The following URI1 variants were observed in gnomAD, a reference collection of about 807,000 sequenced individuals.
URI1 encodes the protein URI1 prefoldin like chaperone, also known as unconventional prefoldin RPB5 interactor 1.
In URI1, 39 loss-of-function variants were observed where a neutral mutation model predicts 60.2. The ratio of observed to expected loss-of-function variants is 0.65; its 90% CI spans 0.50 to 0.85. URI1 has a LOEUF of 0.85. Ranked by LOEUF, URI1 falls within the 40% of genes least tolerant of loss-of-function variation. The probability of loss-of-function intolerance (pLI) is 0.00; values close to 1 mark genes in which losing one functional copy is unlikely to be tolerated. For synonymous variants in URI1, 251 were observed against 236.8 expected, an observed-to-expected ratio of 1.06 and a Z score of -0.55; for missense variants, 691 against 665.9, an observed-to-expected ratio of 1.04 and a Z score of -0.42.
intron 2 of URI1, among the ~76,000 whole-genome samples, chr19:29,983,656 C>T (rs931469563): frequency 6.6e-6 from 1 of 152,122 alleles, no homozygotes; most frequent in African/African-American, 2.4e-5. Flanking sequence ...TGTAGTTTTG[C>T]TTGCAGCCTG....
At chr19:29,962,402 CTTTTTT>C (rs11331580) in intron 1 of URI1, among the ~76,000 whole-genome samples, 1 of 123,480 alleles carries the variant, frequency 8.1e-6, no homozygotes, top group Admixed American at 8.2e-5. Context: ...TTTATAGTAT[CTTTTTT>C]TTTTTTTTTT....
intron 1 of URI1, among the ~76,000 whole-genome samples, chr19:29,946,908 C>G (rs1206353822): frequency 6.6e-6 from 1 of 152,080 alleles, no homozygotes; most frequent in Non-Finnish European, 1.5e-5. Flanking sequence ...GGGGTGAAGG[C>G]ATGCAGTTAC....
chr19:29,932,480 C>A (rs2054929828), intron 1 of URI1, among the ~76,000 whole-genome samples: 1 of 151,472 alleles, frequency 6.6e-6, no homozygotes, highest in African/African-American at 2.4e-5. Context: ...CCGCACCCGG[C>A]TAATTTTTGT....
In URI1 at chr19:30,015,895, A is replaced by T. The variant is rs1285596957; in HGVS notation, c.*826A>T. ...AGGTCTAGATGCTTAAACATTTTAA[A>T]TAAAAATTCCTTACAGTTTCATCTT... On this transcript the variant is annotated 3_prime_UTR_variant, in exon 11 of 11. Coordinates refer to ENST00000392271, the MANE Select transcript of URI1 (RefSeq NM_003796.3). The T allele has an allele frequency of 1.7e-5, 4 of 241,854 alleles. No individual in the cohort carries two copies. The highest frequency in any genetic ancestry group is 3.1e-5 in the Non-Finnish European group (4 of 127,748). The allele number at this position is 241,854 out of a possible 1,614,324, so 15.0% of individuals were successfully genotyped here. A position where few individuals can be genotyped will look rare whatever the true frequency, so the allele number is the denominator to read the frequency against.
chr19:29,975,177 A>G (rs1016443280), intron 2 of URI1, among the ~76,000 whole-genome samples: 6 of 152,130 alleles, frequency 3.9e-5, no homozygotes, highest in Non-Finnish European at 5.9e-5. Context: ...CAGTGGCTGG[A>G]CATTCCCACT....
intron 1 of URI1, among the ~76,000 whole-genome samples, chr19:29,932,734 C>A (rs934222579): frequency 1.3e-5 from 2 of 151,668 alleles, no homozygotes; most frequent in African/African-American, 4.9e-5. Flanking sequence ...TCACTGCAAC[C>A]TCTGCCTCCC....
intron 1 of URI1, among the ~76,000 whole-genome samples, chr19:29,944,983 C>T (rs1442335153): frequency 6.6e-6 from 1 of 152,128 alleles, no homozygotes; most frequent in Non-Finnish European, 1.5e-5. Context: ...AAAGTAGAAG[C>T]GTAGTGACAT....
At chr19:29,942,745 CCTAGGCCCAG>C in intron 1 of URI1, 81 bp downstream of exon 1, 1 of 1,279,034 alleles carries the variant, frequency 7.8e-7, no homozygotes, top group Non-Finnish European at 9.9e-7. Flanking sequence ...CCCCGCGTGG[CCTAGGCCCAG>C]CTGCCCGGGC....
At chr19:29,996,046 T>C (rs2055808254) in intron 4 of URI1, among the ~76,000 whole-genome samples, 1 of 152,172 alleles carries the variant, frequency 6.6e-6, no homozygotes, top group African/African-American at 2.4e-5. Context: ...AAGATGAGAC[T>C]TACAACTTAG....
At chr19:29,932,281 C>A (rs1031315455) in intron 1 of URI1, among the ~76,000 whole-genome samples, 1 of 151,970 alleles carries the variant, frequency 6.6e-6, no homozygotes, top group Non-Finnish European at 1.5e-5. Context: ...AATGCTTTTT[C>A]GGCATCATTT....
chr19:29,963,165 T>C (rs1035270313), intron 1 of URI1, among the ~76,000 whole-genome samples: 5 of 152,204 alleles, frequency 3.3e-5, no homozygotes, highest in Non-Finnish European at 7.3e-5. Flanking sequence ...TACTTTGATA[T>C]CAGTTTTAGA....
intron 4 of URI1, among the ~76,000 whole-genome samples, chr19:30,002,437 C>G (rs1170109975): frequency 6.6e-6 from 1 of 151,960 alleles, no homozygotes; most frequent in Admixed American, 6.6e-5. Context: ...ATAGCTAACT[C>G]AAAGGATTTC....
At chr19:29,945,372 T>G (rs905739802) in intron 1 of URI1, among the ~76,000 whole-genome samples, 2 of 152,158 alleles carry the variant, frequency 1.3e-5, no homozygotes, top group African/African-American at 2.4e-5. Context: ...AGTTTTACGC[T>G]CTCTCTCTCT....
chr19:29,996,234 C>T (rs541278135), intron 4 of URI1, among the ~76,000 whole-genome samples: 10 of 152,172 alleles, frequency 6.6e-5, no homozygotes, highest in Admixed American at 1.3e-4. Context: ...ATATTCACTC[C>T]GTGAACATAG....
intron 1 of URI1, among the ~76,000 whole-genome samples, chr19:29,970,529 CAA>C (rs2055446411): frequency 2.0e-5 from 3 of 151,960 alleles, no homozygotes; most frequent in Non-Finnish European, 2.9e-5. Context: ...CCAAGGAAAA[CAA>C]ATAACTTTTG....
rs74377752 is a variant in URI1, at chr19:30,001,142, C to T, written c.368-4219C>T. On this transcript the variant is annotated intron_variant, in intron 4 of 10. Transcript: ENST00000392271. Reference sequence around the variant, plus strand: ...TCTTCTCCCTCTTTTCTCTCTTGCTCTCTTTTTTTGGTCTCTAGCATTAAT... The same window carrying T: ...TCTTCTCCCTCTTTTCTCTCTTGCTTTCTTTTTTTGGTCTCTAGCATTAAT... Among the ~76,000 whole-genome samples the T allele has an allele frequency of 2.8e-3, 423 of 151,704 alleles. 2 individuals are homozygous for T. The highest frequency in any genetic ancestry group is 9.7e-3 in the African/African-American group (404 of 41,436).
intron 1 of URI1, among the ~76,000 whole-genome samples, chr19:29,961,266 T>A (rs1252118805): frequency 6.7e-5 from 10 of 149,664 alleles, no homozygotes; most frequent in Admixed American, 2.0e-4. Context: ...TTTTTTTTTT[T>A]AAATCTTGCA....
chr19:29,979,312 A>C (rs957287513), intron 2 of URI1, among the ~76,000 whole-genome samples: 3 of 152,182 alleles, frequency 2.0e-5, no homozygotes, highest in Non-Finnish European at 4.4e-5. Flanking sequence ...TCATCAGTAA[A>C]AATTAACTAG....
At chr19:29,976,681 A>T (rs1319123532) in intron 2 of URI1, among the ~76,000 whole-genome samples, 1 of 152,316 alleles carries the variant, frequency 6.6e-6, no homozygotes, top group East Asian at 1.9e-4. Flanking sequence ...GACTGGTGAG[A>T]ATGAAATGAA....
Sources: gnomAD v4.1 joint callset for allele counts (sites outside exome capture counted in the v4.1 genomes callset) on GRCh38, gnomAD v4.1.1 for gene constraint, MANE v1.5 for transcripts, NCBI Gene and HGNC (gene_info 2026-07-23, HGNC 2026-07-21) for gene names.